UBP1: variants seen among roughly 807,000 people sequenced by gnomAD.
The protein encoded by UBP1 is upstream binding protein 1, also known as upstream-binding protein 1.
UBP1 carries 22 observed loss-of-function variants against 76.1 expected under a neutral mutation model. The observed-to-expected ratio is 0.29, with a 90% CI of 0.21 to 0.41. The LOEUF (loss-of-function observed/expected upper bound fraction) is 0.41, where lower values mean the gene tolerates loss of function less well. Among genes scored for constraint, UBP1 ranks in the 10% least tolerant of loss-of-function variants. The probability of loss-of-function intolerance (pLI) is 1.00; values close to 1 mark genes in which losing one functional copy is unlikely to be tolerated. For missense variants in UBP1, 436 were observed against 668.1 expected (o/e 0.65, Z 3.83); for synonymous variants, 224 against 237.1 (o/e 0.94, Z 0.51).
In UBP1 at chr3:33,399,833, T is replaced by A. The variant is rs556996253; in HGVS notation, c.1180+356A>T. Among the ~76,000 whole-genome samples, 7 of 151,814 alleles carry A rather than the reference T, an allele frequency of 4.6e-5. No homozygotes were observed. In the South Asian group the frequency reaches 6.2e-4, roughly 13 times the overall value. Reference sequence around the variant, plus strand: ...ATTATGTGAGAAACGGAGTGAAGAGTACACCGAAATATCACTGTACTAGCT... The same window carrying A: ...ATTATGTGAGAAACGGAGTGAAGAGAACACCGAAATATCACTGTACTAGCT... On this transcript the variant is annotated intron_variant, in intron 11 of 15. Coordinates refer to ENST00000283629, the MANE Select transcript of UBP1 (RefSeq NM_014517.5).
intron 12 of UBP1, chr3:33,396,591 AC>A (rs554539119): frequency 2.5e-5 from 10 of 403,786 alleles, no homozygotes; most frequent in Non-Finnish European, 4.6e-5. Flanking sequence ...GAATTCTCAC[AC>A]CACAAGTATA....
upstream of UBP1, chr3:33,441,320 G>A (rs1157235481): frequency 6.6e-6 from 1 of 152,292 alleles, no homozygotes; most frequent in Non-Finnish European, 1.5e-5. Context: ...GGCGCTTGAC[G>A]GGCGGAATCC....
chr3:33,399,035 G>A (rs779623434), intron 11 of UBP1, among the ~76,000 whole-genome samples: 2 of 152,240 alleles, frequency 1.3e-5, no homozygotes, highest in Non-Finnish European at 2.9e-5. Context: ...ACGTGGCATA[G>A]TAAGAAACCA....
At chr3:33,395,470 T>G (rs1170066322) in intron 13 of UBP1, among the ~76,000 whole-genome samples, 1 of 152,032 alleles carries the variant, frequency 6.6e-6, no homozygotes, top group Non-Finnish European at 1.5e-5. Flanking sequence ...GGGCCATATT[T>G]AGAGGTGAGA....
chr3:33,427,030 G>A (rs1001422229), intron 1 of UBP1, among the ~76,000 whole-genome samples: 1 of 152,166 alleles, frequency 6.6e-6, no homozygotes, highest in African/African-American at 2.4e-5. Flanking sequence ...TGCAGTGGTG[G>A]TATCTTGGCT....
At chr3:33,414,997 AATTT>A (rs2044693114) in intron 3 of UBP1, among the ~76,000 whole-genome samples, 1 of 151,958 alleles carries the variant, frequency 6.6e-6, no homozygotes, top group African/African-American at 2.4e-5. Flanking sequence ...TTTTTCCCTT[AATTT>A]ATTTGCTTGC....
chr3:33,391,717 C>G (rs1038954136), intron 15 of UBP1: 6 of 152,238 alleles, frequency 3.9e-5, no homozygotes, highest in East Asian at 3.8e-4. Context: ...GTGTAAGATA[C>G]CATCACCTTT....
chr3:33,390,027 GGC>G lies in UBP1; in HGVS notation c.*302_*303del. On this transcript the variant is annotated 3_prime_UTR_variant, in exon 16 of 16. Transcript: ENST00000283629. Reference sequence around the variant, plus strand: ...GCATACAGTGTAAAAAGACAGCAAAGGCTGCTTCTAGGAACTGTATTTACTGG... The same window carrying G: ...GCATACAGTGTAAAAAGACAGCAAAGTGCTTCTAGGAACTGTATTTACTGG... The G allele has an allele frequency of 2.8e-6, 1 of 352,766 alleles. No homozygotes were observed. The highest frequency in any genetic ancestry group is 4.3e-5 in the East Asian group (1 of 23,000). The allele number at this position is 352,766 out of a possible 1,614,324, so 21.9% of individuals were successfully genotyped here.
chr3:33,395,755 A>G (rs2043958253), intron 13 of UBP1, among the ~76,000 whole-genome samples: 1 of 114,996 alleles, frequency 8.7e-6, no homozygotes, highest in Non-Finnish European at 1.8e-5. Context: ...AAATTGAAAA[A>G]AAAAAAAAAA....
intron 8 of UBP1, chr3:33,403,543 T>TA (rs2044317666): frequency 6.2e-5 from 6 of 97,434 alleles, no homozygotes; most frequent in Non-Finnish European, 1.2e-4. Flanking sequence ...CTATCTAATC[T>TA]ATCTGTCTGT....
intron 15 of UBP1, 57 bp from the exon 16 acceptor site, chr3:33,390,425 T>G: frequency 1.3e-6 from 2 of 1,594,114 alleles, no homozygotes; most frequent in South Asian, 2.2e-5. Flanking sequence ...TTAAGCCTAT[T>G]AAATGGAAAA....
At chr3:33,407,142 T>C (rs2044448541) in intron 8 of UBP1, among the ~76,000 whole-genome samples, 1 of 152,190 alleles carries the variant, frequency 6.6e-6, no homozygotes, top group South Asian at 2.1e-4. Flanking sequence ...AGATGAGCTC[T>C]AACCACCCCT....
chr3:33,438,461 G>A (rs1380425653), intron 1 of UBP1, among the ~76,000 whole-genome samples: 1 of 152,138 alleles, frequency 6.6e-6, no homozygotes, highest in African/African-American at 2.4e-5. Flanking sequence ...TCCCCTCTGG[G>A]GTGACTCCAT....
At chr3:33,426,837 G>T (rs9311014) in intron 1 of UBP1, among the ~76,000 whole-genome samples, 64,855 of 151,990 alleles carry the variant, frequency 0.43, 15,891 homozygotes, top group African/African-American at 0.64. Context: ...CCATCTGGGT[G>T]GTTTCCATTT....
chr3:33,395,102 G>A (rs1397819980), intron 13 of UBP1, among the ~76,000 whole-genome samples: 2 of 152,070 alleles, frequency 1.3e-5, no homozygotes, highest in East Asian at 3.8e-4. Context: ...TGATGTATAA[G>A]CTCTTGATGA....
intron 9 of UBP1, 128 bp downstream of exon 9, chr3:33,402,673 G>A (rs2044273039): frequency 3.3e-6 from 2 of 613,880 alleles, no homozygotes; most frequent in Non-Finnish European, 5.1e-6. Context: ...CCAAGATACA[G>A]GATACTTCCC....
chr3:33,438,191 T>C (rs2154060351), intron 1 of UBP1, among the ~76,000 whole-genome samples: 1 of 152,354 alleles, frequency 6.6e-6, no homozygotes, highest in Middle Eastern at 3.4e-3. Flanking sequence ...ATAAGTTGGC[T>C]GAATCACTAA....
At chr3:33,411,354 T>C (rs2044577184) in intron 5 of UBP1, among the ~76,000 whole-genome samples, 1 of 152,172 alleles carries the variant, frequency 6.6e-6, no homozygotes, top group South Asian at 2.1e-4. Context: ...CTACTAGTGG[T>C]AAAAATAACA....
chr3:33,426,040 G>GT (rs1559690595), intron 1 of UBP1, among the ~76,000 whole-genome samples: 3 of 44,878 alleles, frequency 6.7e-5, no homozygotes, highest in Admixed American at 7.6e-4. Context: ...TATATATATA[G>GT]CACTTTAAAA....
Sources: allele counts gnomAD v4.1 joint callset (sites outside exome capture counted in the v4.1 genomes callset), GRCh38; gene constraint gnomAD v4.1.1; transcripts MANE v1.5; gene names NCBI Gene and HGNC (gene_info 2026-07-23, HGNC 2026-07-21).